Variants in PTPRD observed in about 807,000 individuals in gnomAD.
PTPRD encodes receptor-type tyrosine-protein phosphatase delta.
PTPRD carries 34 observed loss-of-function variants against 214.5 expected under a neutral mutation model. The ratio of observed to expected loss-of-function variants is 0.16; its 90% confidence interval spans 0.12 to 0.21. PTPRD has a LOEUF of 0.21. Among genes scored for constraint, PTPRD ranks in the 10% least tolerant of loss-of-function variants. PTPRD has a pLI of 1.00. For synonymous variants in PTPRD, 1,128 were observed against 845.7 expected (o/e 1.33, Z -5.79); for missense variants, 2,545 against 2,398.7 (o/e 1.06, Z -1.27).
At chr9:10,034,503 G>T (rs1334762967) in intron 3 of PTPRD, among the ~76,000 whole-genome samples, 1 of 146,602 alleles carries the variant, frequency 6.8e-6, no homozygotes, top group Non-Finnish European at 1.5e-5. Context: ...CGTTTGTTGT[G>T]CCTATTATTT....
chr9:9,180,997 G>A (rs2131405097), intron 10 of PTPRD, among the ~76,000 whole-genome samples: 1 of 152,194 alleles, frequency 6.6e-6, no homozygotes, highest in East Asian at 1.9e-4. Context: ...TTTGGACTTG[G>A]CTCAGAGTTC....
intron 3 of PTPRD, among the ~76,000 whole-genome samples, chr9:10,159,393 G>T (rs550055033): frequency 6.6e-6 from 1 of 151,170 alleles, no homozygotes; most frequent in Non-Finnish European, 1.5e-5. Context: ...AATATAGTCA[G>T]GAAAAAAAAA....
At chr9:9,455,331 G>T (rs900302381) in intron 8 of PTPRD, among the ~76,000 whole-genome samples, 2 of 151,372 alleles carry the variant, frequency 1.3e-5, no homozygotes, top group Non-Finnish European at 3.0e-5. Flanking sequence ...CAGATATGCA[G>T]AGAATGAAAA....
intron 10 of PTPRD, among the ~76,000 whole-genome samples, chr9:9,142,754 T>C (rs2099862489): frequency 6.6e-6 from 1 of 152,200 alleles, no homozygotes; most frequent in African/African-American, 2.4e-5. Context: ...TCTGGTGGTT[T>C]TTATTTTTAA....
chr9:10,409,755 T>G (rs893224380), intron 2 of PTPRD, among the ~76,000 whole-genome samples: 1 of 151,786 alleles, frequency 6.6e-6, no homozygotes, highest in East Asian at 2.0e-4. Flanking sequence ...GATGTTATAT[T>G]GCTTTCAAGG....
intron 5 of PTPRD, among the ~76,000 whole-genome samples, chr9:9,883,329 A>G (rs924836523): frequency 2.0e-5 from 3 of 152,124 alleles, no homozygotes; most frequent in Non-Finnish European, 4.4e-5. Flanking sequence ...TTATTCTGAG[A>G]GAAACGCTAG....
intron 9 of PTPRD, among the ~76,000 whole-genome samples, chr9:9,360,222 T>C (rs966769392): frequency 4.0e-5 from 6 of 150,744 alleles, no homozygotes; most frequent in Non-Finnish European, 8.9e-5. Context: ...AAAAAGACTA[T>C]TTCCTGTAGA....
intron 10 of PTPRD, among the ~76,000 whole-genome samples, chr9:9,094,188 C>T (rs951166680): frequency 2.0e-4 from 30 of 152,002 alleles, no homozygotes; most frequent in African/African-American, 6.3e-4. Flanking sequence ...GCAAAGAAAA[C>T]GTTAGAAAGT....
chr9:8,401,857 C>T (rs1336182520), intron 36 of PTPRD, among the ~76,000 whole-genome samples: 1 of 152,106 alleles, frequency 6.6e-6, no homozygotes, highest in African/African-American at 2.4e-5. Flanking sequence ...TTAAAACTCT[C>T]AACCAAAGTC....
intron 34 of PTPRD, among the ~76,000 whole-genome samples, chr9:8,444,639 G>A (rs533841621): frequency 6.6e-6 from 1 of 151,810 alleles, no homozygotes; most frequent in Non-Finnish European, 1.5e-5. Flanking sequence ...ATTTTCAAAC[G>A]TACACAAAAT....
At chr9:10,040,009 T>A (rs754984412) in intron 3 of PTPRD, among the ~76,000 whole-genome samples, 1 of 152,068 alleles carries the variant, frequency 6.6e-6, no homozygotes, top group African/African-American at 2.4e-5. Context: ...GCAGTCAGAA[T>A]TTCAAAGGCA....
chr9:10,085,904 A>G (rs1313746672), intron 3 of PTPRD, among the ~76,000 whole-genome samples: 1 of 151,842 alleles, frequency 6.6e-6, no homozygotes, highest in Non-Finnish European at 1.5e-5. Context: ...ACCCTACTCT[A>G]TGAAAGTCTC....
At chr9:10,134,976 T>C (rs2154261590) in intron 3 of PTPRD, among the ~76,000 whole-genome samples, 1 of 152,108 alleles carries the variant, frequency 6.6e-6, no homozygotes, top group East Asian at 1.9e-4. Flanking sequence ...ATCAAACGAA[T>C]CCAGGAAAAC....
intron 2 of PTPRD, among the ~76,000 whole-genome samples, chr9:10,444,563 A>G (rs1007913568): frequency 1.3e-5 from 2 of 151,894 alleles, no homozygotes; most frequent in Non-Finnish European, 2.9e-5. Flanking sequence ...TACAGAATGA[A>G]TATTCCACTA....
intron 9 of PTPRD, among the ~76,000 whole-genome samples, chr9:9,259,740 A>G (rs2099979273): frequency 6.6e-6 from 1 of 151,958 alleles, no homozygotes; most frequent in African/African-American, 2.4e-5. Flanking sequence ...TTTCAGTAAT[A>G]GTAAACGCAG....
At chr9:10,015,359 G>A (rs1301921078) in intron 4 of PTPRD, among the ~76,000 whole-genome samples, 1 of 152,038 alleles carries the variant, frequency 6.6e-6, no homozygotes, top group Non-Finnish European at 1.5e-5. Context: ...GAAAATCATG[G>A]CAGTAAGACA....
chr9:10,273,901 G>GCT (rs1456413396), intron 3 of PTPRD, among the ~76,000 whole-genome samples: 1 of 152,110 alleles, frequency 6.6e-6, no homozygotes, highest in Non-Finnish European at 1.5e-5. Context: ...AATACACTGT[G>GCT]CTTCTTTTTG....
intron 2 of PTPRD, among the ~76,000 whole-genome samples, chr9:10,526,791 T>A (rs1283130109): frequency 6.6e-6 from 1 of 152,080 alleles, no homozygotes; most frequent in African/African-American, 2.4e-5. Flanking sequence ...AGAAGGAAAT[T>A]TTATTAACTT....
Position 9,095,404 on chromosome 9 carries a change from G to C in PTPRD, c.-142-76669C>G, listed in dbSNP as rs138555079. The stretch of plus-strand genomic sequence containing the variant: ...TTGAACTAGGGTTGCAGAATACAAA[G>C]TCAACATACAAAAATCAAATGTATT... On this transcript the variant is annotated intron_variant, in intron 10 of 45. Coordinates refer to ENST00000381196, the MANE Select transcript of PTPRD (RefSeq NM_002839.4). Among the ~76,000 whole-genome samples the C allele has an allele frequency of 8.1e-3, 1,227 of 152,246 alleles. 7 individuals carry two copies. The highest frequency in any genetic ancestry group is 0.015 in the Non-Finnish European group (997 of 67,988).
Sources: allele counts gnomAD v4.1 joint callset (sites outside exome capture counted in the v4.1 genomes callset), GRCh38; gene constraint gnomAD v4.1.1; transcripts MANE v1.5; gene names NCBI Gene and HGNC (gene_info 2026-07-23, HGNC 2026-07-21).